The following SGIP1 variants were observed in gnomAD, a reference collection of about 807,000 sequenced individuals.
SGIP1 encodes the protein SH3-containing GRB2-like protein 3-interacting protein 1.
Under a neutral mutation model 107.5 loss-of-function variants are expected in SGIP1, and 38 were observed. The observed-to-expected ratio is 0.35, with a 90% confidence interval of 0.27 to 0.46. SGIP1 has a LOEUF of 0.46. Ranked by LOEUF, SGIP1 falls within the 20% of genes least tolerant of loss-of-function variation. The pLI, the probability that SGIP1 is intolerant of heterozygous loss-of-function variation, is 1.00. For synonymous variants in SGIP1, 365 were observed against 366.1 expected (o/e 1.00, Z 0.03); for missense variants, 929 against 1,019.5 (o/e 0.91, Z 1.21).
chr1:66,567,112 T>A (rs2059760632), intron 1 of SGIP1, among the ~76,000 whole-genome samples: 1 of 151,916 alleles, frequency 6.6e-6, no homozygotes, highest in African/African-American at 2.4e-5. Flanking sequence ...AGTCTATCAT[T>A]GATGAGCATT....
intron 7 of SGIP1, among the ~76,000 whole-genome samples, chr1:66,657,806 C>T (rs955895054): frequency 6.6e-6 from 1 of 152,162 alleles, no homozygotes; most frequent in African/African-American, 2.4e-5. Flanking sequence ...TACTCTATTT[C>T]TATTTACAAG....
At chr1:66,738,702 T>C (rs1411897435) in intron 21 of SGIP1, among the ~76,000 whole-genome samples, 2 of 152,190 alleles carry the variant, frequency 1.3e-5, no homozygotes, top group African/African-American at 4.8e-5. Flanking sequence ...CCTTTGGGAT[T>C]TGCCAAAGCA....
chr1:66,569,428 T>C (rs1028989524), intron 1 of SGIP1, among the ~76,000 whole-genome samples: 3 of 151,972 alleles, frequency 2.0e-5, no homozygotes, highest in African/African-American at 7.2e-5. Context: ...ACTGAGATTT[T>C]TTTTTAATCA....
chr1:66,565,999 A>G (rs2059586598), intron 1 of SGIP1, among the ~76,000 whole-genome samples: 1 of 148,168 alleles, frequency 6.7e-6, no homozygotes, highest in Non-Finnish European at 1.5e-5. Context: ...ATTTTATTTC[A>G]AGTAAAATAT....
At chr1:66,702,604 T>C (rs1314362119) in intron 18 of SGIP1, among the ~76,000 whole-genome samples, 1 of 152,234 alleles carries the variant, frequency 6.6e-6, no homozygotes, top group Non-Finnish European at 1.5e-5. Flanking sequence ...GCATCCAAGA[T>C]GCATTTGTTT....
chr1:66,642,464 C>T (rs563987613), intron 5 of SGIP1, among the ~76,000 whole-genome samples: 54 of 152,210 alleles, frequency 3.5e-4, no homozygotes, highest in Middle Eastern at 3.4e-3. Flanking sequence ...TTTTACCTAC[C>T]GAAACACACT....
intron 1 of SGIP1, among the ~76,000 whole-genome samples, chr1:66,567,161 C>T (rs769560927): frequency 2.0e-5 from 3 of 151,962 alleles, no homozygotes; most frequent in African/African-American, 2.4e-5. Flanking sequence ...ACAGCCTCTC[C>T]AGCATCTATT....
chr1:66,613,926 T>G (rs1035461455), intron 1 of SGIP1, among the ~76,000 whole-genome samples: 1 of 152,158 alleles, frequency 6.6e-6, no homozygotes, highest in African/African-American at 2.4e-5. Flanking sequence ...GACCACTGAT[T>G]GAGAAGATGA....
intron 1 of SGIP1, among the ~76,000 whole-genome samples, chr1:66,556,077 C>T (rs1048793164): frequency 8.5e-5 from 13 of 152,104 alleles, no homozygotes; most frequent in Non-Finnish European, 1.6e-4. Flanking sequence ...AATGCCAAGA[C>T]TAAAACAAAC....
chr1:66,695,973 T>G (rs187094140), intron 18 of SGIP1, among the ~76,000 whole-genome samples: 158 of 152,332 alleles, frequency 1.0e-3, no homozygotes, highest in African/African-American at 3.7e-3. Flanking sequence ...TGACAAGGAA[T>G]GCTGTATAAG....
intron 2 of SGIP1, among the ~76,000 whole-genome samples, chr1:66,631,577 AT>A (rs1466607482): frequency 6.6e-6 from 1 of 152,088 alleles, no homozygotes; most frequent in Non-Finnish European, 1.5e-5. Flanking sequence ...TATTCTGCTA[AT>A]TTTGAAGGGA....
chr1:66,569,015 G>A (rs1479192976), intron 1 of SGIP1, among the ~76,000 whole-genome samples: 1 of 151,894 alleles, frequency 6.6e-6, no homozygotes, highest in Admixed American at 6.6e-5. Flanking sequence ...ATATGCTCAG[G>A]AATGCAGGTA....
intron 1 of SGIP1, among the ~76,000 whole-genome samples, chr1:66,595,731 T>G (rs1054908824): frequency 4.6e-5 from 7 of 152,218 alleles, no homozygotes; most frequent in African/African-American, 1.7e-4. Flanking sequence ...TATGGAATAT[T>G]GCTTAGTGAT....
Position 66,684,160 on chromosome 1 carries a change from G to A in SGIP1, c.1315+1791G>A, listed in dbSNP as rs967486543. 1.9e-6 allele frequency: 3 copies of A among 1,550,598 alleles called. No individual in the cohort carries two copies. In the Admixed American group the frequency reaches 5.9e-5, roughly 30 times the overall value. On this transcript the variant is annotated intron_variant, in intron 15 of 24. Coordinates refer to ENST00000371037, the MANE Select transcript of SGIP1 (RefSeq NM_032291.4). ...AGTAATTTGCCCAAGTTTACAAGCT[G>A]GAGGCAATGAACTGGATTCATACTC...
intron 8 of SGIP1, among the ~76,000 whole-genome samples, chr1:66,661,896 T>C (rs1433167677): frequency 6.6e-6 from 1 of 152,174 alleles, no homozygotes; most frequent in African/African-American, 2.4e-5. Context: ...TCATTTTTCT[T>C]TGGAAATGTC....
At chr1:66,612,229 A>G (rs1047029267) in intron 1 of SGIP1, among the ~76,000 whole-genome samples, 5 of 152,196 alleles carry the variant, frequency 3.3e-5, no homozygotes, top group African/African-American at 1.2e-4. Context: ...ATAGAAATTA[A>G]CAGAGTGAAA....
rs764080079 is a variant in SGIP1, at chr1:66,742,460, C to CTTTTTTTTTTT, written c.2465-596_2465-586dup. Reference sequence around the variant, plus strand: ...AATATAAGTTATATGAGCACCCTTTCTTTTTTTTTTTTTTTTTTTTTTTTT... The same window carrying CTTTTTTTTTTT: ...AATATAAGTTATATGAGCACCCTTTCTTTTTTTTTTTTTTTTTTTTTTTTTTTTTTTTTTTT... On this transcript the variant is annotated intron_variant, in intron 24 of 24. Transcript: ENST00000371037. 9.3e-4 allele frequency among the ~76,000 whole-genome samples: 42 copies of CTTTTTTTTTTT among 45,106 alleles called. 10 individuals are homozygous for CTTTTTTTTTTT. The highest frequency in any genetic ancestry group is 2.0e-3 in the African/African-American group (20 of 10,160). The allele number at this position is 45,106 out of a possible 152,430, so 29.6% of individuals were successfully genotyped here.
chr1:66,711,291 C>T (rs1275577771), intron 18 of SGIP1, among the ~76,000 whole-genome samples: 1 of 152,022 alleles, frequency 6.6e-6, no homozygotes, highest in African/African-American at 2.4e-5. Flanking sequence ...ATATTTAATC[C>T]TCCCAATGTC....
chr1:66,622,097 C>G (rs1159567687), intron 1 of SGIP1, among the ~76,000 whole-genome samples: 3 of 152,100 alleles, frequency 2.0e-5, no homozygotes, highest in East Asian at 1.9e-4. Flanking sequence ...ATGAATGAAA[C>G]CACGTGAGTG....
Sources: allele counts gnomAD v4.1 joint callset (sites outside exome capture counted in the v4.1 genomes callset), GRCh38; gene constraint gnomAD v4.1.1; transcripts MANE v1.5; gene names NCBI Gene and HGNC (gene_info 2026-07-23, HGNC 2026-07-21).